SGCD: variants seen among roughly 807,000 people sequenced by gnomAD.
SGCD encodes the protein sarcoglycan delta, also known as delta-sarcoglycan.
Under a neutral mutation model 36.6 loss-of-function variants are expected in SGCD, and 18 were observed. The observed-to-expected ratio is 0.49, with a 90% CI of 0.34 to 0.73. The LOEUF (loss-of-function observed/expected upper bound fraction) is 0.73, where lower values mean the gene tolerates loss of function less well. Ranked by LOEUF, SGCD falls within the 30% of genes least tolerant of loss-of-function variation. The pLI is 0.01. For synonymous variants in SGCD, 133 were observed against 130.6 expected (o/e 1.02, Z -0.12); for missense variants, 387 against 346.7 (o/e 1.12, Z -0.92).
chr5:156,279,984 AACACACACAC>A (rs141892026), intron 3 of SGCD, among the ~76,000 whole-genome samples: 2 of 148,546 alleles, frequency 1.3e-5, no homozygotes, highest in Non-Finnish European at 3.0e-5. Context: ...CACACATACA[AACACACACAC>A]ACACACACAC....
chr5:156,447,003 A>G (rs574105785), intron 3 of SGCD, among the ~76,000 whole-genome samples: 5 of 152,290 alleles, frequency 3.3e-5, no homozygotes, highest in Non-Finnish European at 7.4e-5. Flanking sequence ...AGCAGAGACC[A>G]TTATGCCCTG....
chr5:156,115,784 CA>C (rs1441636272), intron 1 of SGCD, among the ~76,000 whole-genome samples: 3 of 152,076 alleles, frequency 2.0e-5, no homozygotes, highest in African/African-American at 4.8e-5. Context: ...GTCCTACAGA[CA>C]GTCTCACAGT....
At chr5:156,583,502 C>A (rs1374620684) in intron 4 of SGCD, among the ~76,000 whole-genome samples, 1 of 152,176 alleles carries the variant, frequency 6.6e-6, no homozygotes, top group African/African-American at 2.4e-5. Flanking sequence ...TGAATGACTA[C>A]AATAATCTCC....
chr5:156,004,950 G>A (rs944874017), intron 1 of SGCD, among the ~76,000 whole-genome samples: 52 of 152,224 alleles, frequency 3.4e-4, no homozygotes, highest in Admixed American at 2.7e-3. Flanking sequence ...TCCCAGTAGC[G>A]GAGTGATAAG....
chr5:155,971,391 T>C (rs1355813583), intron 1 of SGCD, among the ~76,000 whole-genome samples: 1 of 152,206 alleles, frequency 6.6e-6, no homozygotes, highest in East Asian at 1.9e-4. Flanking sequence ...TAGCGACAGC[T>C]CCTACTAAAA....
chr5:156,196,918 T>A (rs1437517882), intron 3 of SGCD, among the ~76,000 whole-genome samples: 2 of 152,182 alleles, frequency 1.3e-5, no homozygotes, highest in African/African-American at 4.8e-5. Context: ...TCCACAATTT[T>A]AAAAATTAAA....
chr5:156,465,579 T>C lies in SGCD; in HGVS notation c.193-43022T>C, dbSNP rs576266787. 8.5e-5 allele frequency among the ~76,000 whole-genome samples: 13 copies of C among 152,298 alleles called. No individual in the cohort carries two copies. In the South Asian group the frequency reaches 2.5e-3, roughly 29 times the overall value. The stretch of plus-strand genomic sequence containing the variant: ...AGACCATTAGGTATTCATGATCTTC[T>C]ACCCTGGAGGCCGCCTCCAAGAGCA... On this transcript the variant is annotated intron_variant, in intron 3 of 8. Coordinates refer to ENST00000337851, the MANE Select transcript of SGCD (RefSeq NM_000337.6).
chr5:156,281,557 T>C (rs1413949839), intron 3 of SGCD, among the ~76,000 whole-genome samples: 3 of 152,118 alleles, frequency 2.0e-5, no homozygotes, highest in Admixed American at 1.3e-4. Flanking sequence ...TAATTCCTAC[T>C]CCAGAGGAAG....
At chr5:156,101,711 T>C (rs1761519929) in intron 1 of SGCD, among the ~76,000 whole-genome samples, 1 of 152,198 alleles carries the variant, frequency 6.6e-6, no homozygotes, top group African/African-American at 2.4e-5. Flanking sequence ...TATAAGACAC[T>C]GTAGCTTCTG....
At chr5:155,747,223 A>T in the SGCD span, among the ~76,000 whole-genome samples, 1 of 152,234 alleles carries the variant, frequency 6.6e-6, no homozygotes, top group Admixed American at 6.5e-5. Context: ...ACAAAATGTA[A>T]TGTAGGTTAA....
chr5:156,361,854 T>G (rs1371697459), intron 3 of SGCD, among the ~76,000 whole-genome samples: 1 of 152,222 alleles, frequency 6.6e-6, no homozygotes, highest in African/African-American at 2.4e-5. Context: ...TTGGTTGTGA[T>G]GCATCCTCTG....
At chr5:155,850,375 A>AT in the SGCD span, among the ~76,000 whole-genome samples, 1 of 152,132 alleles carries the variant, frequency 6.6e-6, no homozygotes, top group African/African-American at 2.4e-5. Context: ...AAACAGGGGA[A>AT]TTTTTTTGCA....
chr5:156,115,223 G>A (rs1411371429), intron 1 of SGCD, among the ~76,000 whole-genome samples: 1 of 152,086 alleles, frequency 6.6e-6, no homozygotes, highest in Non-Finnish European at 1.5e-5. Context: ...AAGGTCAAAT[G>A]ATGCATAATC....
At chr5:156,450,381 T>A (rs1263231686) in intron 3 of SGCD, among the ~76,000 whole-genome samples, 1 of 151,948 alleles carries the variant, frequency 6.6e-6, no homozygotes, top group African/African-American at 2.4e-5. Context: ...GATAGGGGGC[T>A]TAAGGAGACA....
intron 1 of SGCD, among the ~76,000 whole-genome samples, chr5:155,934,472 C>T (rs767453323): frequency 2.0e-5 from 3 of 152,146 alleles, no homozygotes; most frequent in Non-Finnish European, 4.4e-5. Flanking sequence ...AACAGAATAA[C>T]TTATGAAAAA....
the SGCD span, among the ~76,000 whole-genome samples, chr5:155,849,343 G>A: frequency 2.6e-5 from 4 of 151,808 alleles, no homozygotes; most frequent in Admixed American, 6.6e-5. Context: ...TACTGAAATT[G>A]CCCAATTTAT....
intron 3 of SGCD, among the ~76,000 whole-genome samples, chr5:156,155,613 GAAAAA>G (rs56154305): frequency 7.6e-6 from 1 of 131,178 alleles, no homozygotes; most frequent in Non-Finnish European, 1.6e-5. Context: ...CGTGGGCTAG[GAAAAA>G]AAAAAAAAAA....
intron 4 of SGCD, among the ~76,000 whole-genome samples, chr5:156,521,987 C>T (rs1757429594): frequency 6.6e-6 from 1 of 152,170 alleles, no homozygotes; most frequent in Admixed American, 6.5e-5. Context: ...AAATGTGGCA[C>T]ATATACGCTA....
At chr5:156,593,389 AC>A (rs1214915811) in intron 5 of SGCD, among the ~76,000 whole-genome samples, 6 of 152,146 alleles carry the variant, frequency 3.9e-5, no homozygotes, top group Admixed American at 3.9e-4. Context: ...TCAAGACAAA[AC>A]AACACAAACA....
Sources: allele counts gnomAD v4.1 joint callset (sites outside exome capture counted in the v4.1 genomes callset), GRCh38; gene constraint gnomAD v4.1.1; transcripts MANE v1.5; gene names NCBI Gene and HGNC (gene_info 2026-07-23, HGNC 2026-07-21).